UNC13C: variants seen among roughly 807,000 people sequenced by gnomAD.
UNC13C encodes protein unc-13 homolog C.
In UNC13C, 174 loss-of-function variants were observed where a neutral mutation model predicts 245.4. The ratio of observed to expected loss-of-function variants is 0.71; its 90% CI spans 0.63 to 0.80. UNC13C has a LOEUF of 0.80. Among genes scored for constraint, UNC13C ranks in the 30% least tolerant of loss-of-function variants. UNC13C has a pLI of 0.00. For synonymous variants in UNC13C, 992 were observed against 895.1 expected (o/e 1.11, Z -1.93); for missense variants, 2,829 against 2,602.9 (o/e 1.09, Z -1.89).
chr15:54,610,081 C>T (rs992896912), intron 30 of UNC13C, among the ~76,000 whole-genome samples: 3 of 152,122 alleles, frequency 2.0e-5, no homozygotes, highest in African/African-American at 7.2e-5. Context: ...GGTGGGGACA[C>T]AGCCAAACCA....
At chr15:54,236,249 G>A (rs577272505) in intron 5 of UNC13C, among the ~76,000 whole-genome samples, 181 bp from the exon 6 acceptor site, 1 of 152,228 alleles carries the variant, frequency 6.6e-6, no homozygotes, top group South Asian at 2.1e-4. Flanking sequence ...ATATGATCCT[G>A]ACTGAAAAGA....
At chr15:54,438,876 C>T (rs1175582342) in intron 19 of UNC13C, among the ~76,000 whole-genome samples, 2 of 151,946 alleles carry the variant, frequency 1.3e-5, no homozygotes, top group African/African-American at 4.8e-5. Context: ...CTCACCTTTA[C>T]ACTTTACTCA....
chr15:54,545,854 A>T, intron 26 of UNC13C, among the ~76,000 whole-genome samples: 1 of 152,268 alleles, frequency 6.6e-6, no homozygotes, highest in Middle Eastern at 3.4e-3. Flanking sequence ...AAATAGGAAC[A>T]CTTTTAAACT....
intron 8 of UNC13C, among the ~76,000 whole-genome samples, chr15:54,261,214 C>CCA (rs2036415126): frequency 6.6e-6 from 1 of 152,128 alleles, no homozygotes; most frequent in Non-Finnish European, 1.5e-5. Flanking sequence ...AGACCTTCTA[C>CCA]CACACGCTTT....
At chr15:53,888,937 G>A in the UNC13C span, among the ~76,000 whole-genome samples, 3 of 152,158 alleles carry the variant, frequency 2.0e-5, no homozygotes, top group Non-Finnish European at 2.9e-5. Flanking sequence ...GTACCATGCC[G>A]TTTTGGTTTC....
intron 4 of UNC13C, among the ~76,000 whole-genome samples, chr15:54,148,457 C>T (rs951248742): frequency 4.6e-5 from 7 of 152,168 alleles, no homozygotes; most frequent in Non-Finnish European, 8.8e-5. Flanking sequence ...TTTTAATTTT[C>T]TGTCACAGTA....
Position 54,080,470 on chromosome 15 carries a change from G to T in UNC13C, c.2984-62548G>T, listed in dbSNP as rs140647601. On this transcript the variant is annotated intron_variant, in intron 2 of 32. Transcript: ENST00000260323. The stretch of plus-strand genomic sequence containing the variant: ...GATCTTGGGTTTTTTTTAGTTGGTA[G>T]ATTTTTTATTACCGATTCATTTCTA... Among the ~76,000 whole-genome samples the T allele has an allele frequency of 5.6e-3, 851 of 151,898 alleles. 3 individuals are homozygous for T. Among genetic ancestry groups the T allele is most frequent in the Non-Finnish European group, 9.1e-3 (616 of 67,776 alleles).
the UNC13C span, among the ~76,000 whole-genome samples, chr15:53,886,718 C>T: frequency 6.6e-6 from 1 of 152,074 alleles, no homozygotes; most frequent in African/African-American, 2.4e-5. Flanking sequence ...GTGGAGAAAA[C>T]TGATAAACAT....
At chr15:53,900,079 A>T in the UNC13C span, among the ~76,000 whole-genome samples, 2 of 152,206 alleles carry the variant, frequency 1.3e-5, no homozygotes, top group African/African-American at 4.8e-5. Flanking sequence ...TCAAGCCTGA[A>T]TCCTACTATT....
At chr15:54,523,892 TC>T (rs1240641381) in intron 24 of UNC13C, among the ~76,000 whole-genome samples, 1 of 152,060 alleles carries the variant, frequency 6.6e-6, no homozygotes, top group East Asian at 1.9e-4. Flanking sequence ...CATTCCCTCT[TC>T]CCCAACATTT....
intron 8 of UNC13C, among the ~76,000 whole-genome samples, chr15:54,263,160 T>C (rs1460840140): frequency 6.6e-6 from 1 of 152,076 alleles, no homozygotes; most frequent in African/African-American, 2.4e-5. Flanking sequence ...TCAAAGAAAA[T>C]TAGAGCAATT....
At chr15:54,553,050 CTATATTACAATATATAATATATAT>C (rs1566905691) in intron 28 of UNC13C, among the ~76,000 whole-genome samples, 23 of 29,732 alleles carry the variant, frequency 7.7e-4, no homozygotes, top group African/African-American at 2.3e-3. Flanking sequence ...ATATTGTATT[CTATATTACAATATATAATATATAT>C]TGTATTCTAT....
chr15:54,271,369 T>C (rs2140901337), intron 10 of UNC13C, among the ~76,000 whole-genome samples: 1 of 152,342 alleles, frequency 6.6e-6, no homozygotes, highest in East Asian at 1.9e-4. Context: ...TAGTTGATCA[T>C]TTCATAATTA....
At chr15:54,052,391 G>A (rs1389205701) in intron 2 of UNC13C, among the ~76,000 whole-genome samples, 1 of 149,456 alleles carries the variant, frequency 6.7e-6, no homozygotes, top group Non-Finnish European at 1.5e-5. Context: ...GTGTAAAAGT[G>A]TTCCTATTTC....
At chr15:54,537,976 C>CA (rs757835880) in intron 26 of UNC13C, among the ~76,000 whole-genome samples, 2 of 149,952 alleles carry the variant, frequency 1.3e-5, no homozygotes, top group Non-Finnish European at 3.0e-5. Context: ...AAACTAAAAA[C>CA]AAAAAATAGG....
At chr15:54,213,770 G>T (rs997408537) in intron 4 of UNC13C, among the ~76,000 whole-genome samples, 1 of 152,032 alleles carries the variant, frequency 6.6e-6, no homozygotes, top group Non-Finnish European at 1.5e-5. Flanking sequence ...AAAGGGGAAA[G>T]ATTTCTTATT....
At chr15:54,516,847 G>A (rs1052409833) in intron 24 of UNC13C, among the ~76,000 whole-genome samples, 1 of 148,972 alleles carries the variant, frequency 6.7e-6, no homozygotes, top group Non-Finnish European at 1.5e-5. Flanking sequence ...CAGAATACCC[G>A]TTTTTCTTAT....
At chr15:54,221,008 C>A (rs2035208909) in intron 4 of UNC13C, among the ~76,000 whole-genome samples, 1 of 152,038 alleles carries the variant, frequency 6.6e-6, no homozygotes, top group South Asian at 2.1e-4. Flanking sequence ...AAACGTCCCA[C>A]ACGTTGACAA....
intron 2 of UNC13C, among the ~76,000 whole-genome samples, chr15:54,137,524 T>G (rs1445038022): frequency 1.3e-5 from 2 of 152,216 alleles, no homozygotes; most frequent in East Asian, 3.8e-4. Flanking sequence ...CTGCTCAGAC[T>G]TTATCTTTCT....
Sources: gnomAD v4.1 joint callset for allele counts (sites outside exome capture counted in the v4.1 genomes callset) on GRCh38, gnomAD v4.1.1 for gene constraint, MANE v1.5 for transcripts, NCBI Gene and HGNC (gene_info 2026-07-23, HGNC 2026-07-21) for gene names.